The following MAP7 variants were observed in gnomAD, a reference collection of about 807,000 sequenced individuals.
MAP7 encodes the protein ensconsin.
Under a neutral mutation model 94.8 loss-of-function variants are expected in MAP7, and 52 were observed. The ratio of observed to expected loss-of-function variants is 0.55; its 90% CI spans 0.44 to 0.69. The LOEUF (loss-of-function observed/expected upper bound fraction) is 0.69. Ranked by LOEUF, MAP7 falls within the 30% of genes least tolerant of loss-of-function variation. The probability of loss-of-function intolerance (pLI) is 0.00; values close to 1 mark genes in which losing one functional copy is unlikely to be tolerated. For missense variants in MAP7, 940 were observed against 964.6 expected, an observed-to-expected ratio of 0.97 and a Z score of 0.34; for synonymous variants, 350 against 357.0, an observed-to-expected ratio of 0.98 and a Z score of 0.22.
chr6:136,366,130 G>A, intron 9 of MAP7, 112 bp from the exon 10 acceptor site: 3 of 1,188,754 alleles, frequency 2.5e-6, no homozygotes, highest in Non-Finnish European at 2.3e-6. Context: ...CCGTGTATTT[G>A]TTTTTTATGT....
chr6:136,398,863 G>T (rs192985271), intron 3 of MAP7, among the ~76,000 whole-genome samples: 92 of 152,274 alleles, frequency 6.0e-4, no homozygotes, highest in Middle Eastern at 3.4e-3. Flanking sequence ...GTGCACTCAT[G>T]GGTTGTGTGC....
intron 1 of MAP7, among the ~76,000 whole-genome samples, chr6:136,521,500 T>A (rs1362272842): frequency 6.6e-6 from 1 of 152,138 alleles, no homozygotes; most frequent in East Asian, 1.9e-4. Context: ...GCAAATTTAG[T>A]ATTAGATCTG....
rs1830051500 is a variant in MAP7 at position 136,550,279 on chromosome 6, CCGCCGGCCCCGCT to C, written c.67+50_67+62del. 7.3e-7 allele frequency: 1 copy of C among 1,370,084 alleles called. No individual in the cohort carries two copies. Among genetic ancestry groups the C allele is most frequent in the Non-Finnish European group, 9.5e-7 (1 of 1,051,674 alleles). The allele number at this position is 1,370,084 out of a possible 1,614,324, so 84.9% of individuals were successfully genotyped here. On this transcript the variant is annotated intron_variant, in intron 1 of 17. Coordinates refer to ENST00000354570, the MANE Select transcript of MAP7 (RefSeq NM_003980.6). This position sits in a 1 kb window ranked among gnomAD's most constrained non-coding sequence, Gnocchi z 5.1. ...GGCGCCGGGTGATTTCGGTGCCAGC[CCGCCGGCCCCGCT>C]CGCCGTCCCCTGCCCGACGGGACCC... is the stretch of plus-strand genomic sequence containing the variant.
At chr6:136,497,682 C>A (rs895312948) in intron 1 of MAP7, among the ~76,000 whole-genome samples, 1 of 151,202 alleles carries the variant, frequency 6.6e-6, no homozygotes, top group Admixed American at 6.6e-5. Context: ...ATCTGTAATC[C>A]CAGCTACTCA....
chr6:136,498,410 T>G (rs1006374663), intron 1 of MAP7, among the ~76,000 whole-genome samples: 3 of 151,932 alleles, frequency 2.0e-5, no homozygotes, highest in Non-Finnish European at 4.4e-5. Flanking sequence ...GGAAGGGAGA[T>G]GAAAGGAGAA....
intron 2 of MAP7, chr6:136,420,223 G>C: frequency 9.5e-7 from 1 of 1,052,976 alleles, no homozygotes; most frequent in Non-Finnish European, 1.5e-6. Flanking sequence ...TTCAGAGCCA[G>C]GAACATAGAA....
At position 136,526,045 on chromosome 6, in the gene MAP7, C is replaced by T. The variant is rs1827759358; in HGVS notation, c.67+24297G>A. ...TTATGTAATTGCAGCTCCCAGGAAG[C>T]TGCTAGTTCCTAAGCTGCCTGTTCA... On this transcript the variant is annotated intron_variant, in intron 1 of 17. Coordinates refer to ENST00000354570, the MANE Select transcript of MAP7 (RefSeq NM_003980.6). The T allele has an allele frequency of 4.1e-6, 6 of 1,448,828 alleles. No individual in the cohort carries two copies. The South Asian group carries it at 6.0e-5, about 15-fold the overall frequency. 89.7% of individuals were successfully genotyped at this position (1,448,828 alleles called of 1,614,324 possible). A position where few individuals can be genotyped will look rare whatever the true frequency, so the allele number is the denominator to read the frequency against.
At chr6:136,501,688 C>T (rs951384203) in intron 1 of MAP7, among the ~76,000 whole-genome samples, 11 of 152,110 alleles carry the variant, frequency 7.2e-5, no homozygotes, top group Non-Finnish European at 4.4e-5. Context: ...ACTTAAGTTA[C>T]GCAATGATCA....
chr6:136,399,444 A>G (rs914346488), intron 3 of MAP7, among the ~76,000 whole-genome samples: 2 of 151,996 alleles, frequency 1.3e-5, no homozygotes, highest in East Asian at 3.9e-4. Flanking sequence ...TCCCAGTCTC[A>G]AGTGATCCTC....
intron 1 of MAP7, among the ~76,000 whole-genome samples, chr6:136,496,801 A>G (rs1003744109): frequency 4.6e-5 from 7 of 150,586 alleles, no homozygotes; most frequent in African/African-American, 9.8e-5. Flanking sequence ...AAAAAAAAAA[A>G]AAATTAGCTA....
chr6:136,405,541 G>A (rs1387966944), intron 3 of MAP7, among the ~76,000 whole-genome samples: 14 of 152,232 alleles, frequency 9.2e-5, no homozygotes, highest in Non-Finnish European at 2.1e-4. Context: ...GCAAAGGAGA[G>A]GACATTAGCA....
intron 16 of MAP7, among the ~76,000 whole-genome samples, chr6:136,348,348 G>A (rs1788261053): frequency 6.6e-6 from 1 of 152,130 alleles, no homozygotes. Flanking sequence ...CTACCTGCTG[G>A]CAATCAGAGG....
At chr6:136,456,822 G>GAAGAAGGAAGAAGAAGAAGAA (rs1554259490) in intron 1 of MAP7, among the ~76,000 whole-genome samples, 2 of 69,020 alleles carry the variant, frequency 2.9e-5, no homozygotes, top group East Asian at 6.8e-4. Context: ...AGAAGAAGAA[G>GAAGAAGGAAGAAGAAGAAGAA]GAAGAAGAAG....
chr6:136,394,970 A>ATATATATATG, intron 3 of MAP7, among the ~76,000 whole-genome samples: 1 of 131,228 alleles, frequency 7.6e-6, no homozygotes, highest in Non-Finnish European at 1.6e-5. Flanking sequence ...ATATATATAT[A>ATATATATATG]TCACATTTTC....
At chr6:136,420,415 A>G (rs1052664108) in intron 2 of MAP7, 1 of 521,556 alleles carries the variant, frequency 1.9e-6, no homozygotes, top group Non-Finnish European at 3.4e-6. Context: ...TACCAGGTCC[A>G]CTTCTGCCAA....
intron 5 of MAP7, among the ~76,000 whole-genome samples, chr6:136,387,251 G>A (rs189602657): frequency 1.1e-3 from 167 of 151,718 alleles, no homozygotes; most frequent in Middle Eastern, 3.4e-3. Flanking sequence ...AATGATTGAC[G>A]GGGAAAAAAG....
chr6:136,346,282 G>A (rs1258634067), intron 16 of MAP7, among the ~76,000 whole-genome samples: 4 of 152,046 alleles, frequency 2.6e-5, no homozygotes, highest in Admixed American at 1.3e-4. Flanking sequence ...AAAAATCTAG[G>A]TCAGGCACAG....
intron 10 of MAP7, chr6:136,364,258 CT>C: frequency 3.7e-6 from 2 of 542,004 alleles, no homozygotes; most frequent in Non-Finnish European, 7.4e-6. Context: ...AATGTTGAAC[CT>C]TTTTGGACTG....
At position 136,359,874 on chromosome 6, in the gene MAP7, T is replaced by A. The variant is rs758263317; in HGVS notation, c.1858A>T (p.Thr620Ser). The change falls in exon 15 of 18, where the codon ACC becomes TCC. Residue 620 changes from threonine (T) to serine (S), a missense_variant. Physicochemically the swap from Thr to Ser is moderately conservative, Grantham distance 58. Transcript: ENST00000354570. ...TRRTEATDKK[T>S]SDQRNGDIAK... ...ATATCACCGTTTCTCTGATCACTGGTTTTCTACGAAGAAGAAAAAAAGAGG... is the reference window on the plus strand; with the variant it reads ...ATATCACCGTTTCTCTGATCACTGGATTTCTACGAAGAAGAAAAAAAGAGG... 6.2e-7 allele frequency: 1 copy of A among 1,613,194 alleles called. No homozygotes were observed. The highest frequency in any genetic ancestry group is 8.5e-7 in the Non-Finnish European group (1 of 1,179,894).
Sources: gnomAD v4.1 joint callset for allele counts (sites outside exome capture counted in the v4.1 genomes callset) on GRCh38, gnomAD v4.1.1 for gene constraint, Gnocchi (gnomAD v3.1) non-coding constraint, MANE v1.5 for transcripts, NCBI Gene and HGNC (gene_info 2026-07-23, HGNC 2026-07-21) for gene names.